Variants in SIPA1L2 observed in about 807,000 individuals in gnomAD.
SIPA1L2 encodes signal induced proliferation associated 1 like 2.
A neutral mutation model predicts 163.9 loss-of-function variants in SIPA1L2; 56 were observed. The ratio of observed to expected loss-of-function variants is 0.34; its 90% confidence interval spans 0.28 to 0.43. SIPA1L2 has a LOEUF of 0.43. Ranked by LOEUF, SIPA1L2 falls within the 20% of genes least tolerant of loss-of-function variation. The pLI, the probability that SIPA1L2 is intolerant of heterozygous loss-of-function variation, is 1.00. For synonymous variants in SIPA1L2, 877 were observed against 865.7 expected, an observed-to-expected ratio of 1.01 and a Z score of -0.23; for missense variants, 1,974 against 2,193.5, an observed-to-expected ratio of 0.90 and a Z score of 2.00.
chr1:232,542,388 G>T (rs973167312), intron 2 of SIPA1L2, among the ~76,000 whole-genome samples: 6 of 152,112 alleles, frequency 3.9e-5, no homozygotes, highest in African/African-American at 1.4e-4. Context: ...CAAATAAGAT[G>T]CATTTACTGT....
intron 5 of SIPA1L2, among the ~76,000 whole-genome samples, chr1:232,485,037 T>G (rs1362544887): frequency 6.6e-6 from 1 of 152,220 alleles, no homozygotes; most frequent in Non-Finnish European, 1.5e-5. Context: ...CAACATACTA[T>G]GCAAGAAAGG....
Position 232,438,013 on chromosome 1 carries a change from G to GC in SIPA1L2, c.4031+1094dup, listed in dbSNP as rs544848611. ...AGTGCTAGACTTGTTGTTTACATAAGCCCCAATATGACCCTGGTGGCATGA... is the reference window on the plus strand; with the variant it reads ...AGTGCTAGACTTGTTGTTTACATAAGCCCCCAATATGACCCTGGTGGCATGA... On this transcript the variant is annotated intron_variant, in intron 15 of 22. Transcript: ENST00000674635. 5.8e-3 allele frequency among the ~76,000 whole-genome samples: 888 copies of GC among 152,190 alleles called. 9 individuals carry two copies. Among genetic ancestry groups the GC allele is most frequent in the African/African-American group, 0.02 (840 of 41,508 alleles).
chr1:232,585,238 T>C (rs1223687201), intron 1 of SIPA1L2, among the ~76,000 whole-genome samples: 2 of 152,230 alleles, frequency 1.3e-5, no homozygotes, highest in Admixed American at 1.3e-4. Context: ...ATCAATTTTC[T>C]CAGCAGCAAT....
At chr1:232,455,755 G>T (rs1663874621) in intron 10 of SIPA1L2, among the ~76,000 whole-genome samples, 1 of 150,442 alleles carries the variant, frequency 6.6e-6, no homozygotes, top group Non-Finnish European at 1.5e-5. Context: ...ATACACCATG[G>T]AATACTATAC....
At chr1:232,463,717 C>T (rs1664360125) in intron 9 of SIPA1L2, among the ~76,000 whole-genome samples, 1 of 152,168 alleles carries the variant, frequency 6.6e-6, no homozygotes. Context: ...AAGCAGAATG[C>T]ATCCAGAGAC....
intron 1 of SIPA1L2, among the ~76,000 whole-genome samples, chr1:232,581,022 GT>G (rs1660342995): frequency 6.6e-6 from 1 of 152,112 alleles, no homozygotes; most frequent in African/African-American, 2.4e-5. Context: ...AGAAGATGGA[GT>G]CTGCATCCTT....
intron 10 of SIPA1L2, among the ~76,000 whole-genome samples, chr1:232,456,709 C>T (rs569694192): frequency 2.0e-5 from 3 of 152,296 alleles, no homozygotes; most frequent in African/African-American, 4.8e-5. Context: ...AGGGCCATAC[C>T]GGTGGCTGTA....
At position 232,549,645 on chromosome 1, in the gene SIPA1L2, C is replaced by A. The variant is rs75102633; in HGVS notation, c.-270+24529G>T. Among the ~76,000 whole-genome samples, 153 of 152,104 alleles carry A rather than the reference C, an allele frequency of 1.0e-3. 4 individuals carry two copies. The East Asian group carries it at 0.026, about 26-fold the overall frequency. ...ATTGTAAATAAGTGAGGCAGGGTACCACCATTCACCTAAAACTGGGGGAGG... is the reference window on the plus strand; with the variant it reads ...ATTGTAAATAAGTGAGGCAGGGTACAACCATTCACCTAAAACTGGGGGAGG... On this transcript the variant is annotated intron_variant, in intron 2 of 22. Coordinates refer to ENST00000674635, the MANE Select transcript of SIPA1L2 (RefSeq NM_020808.5).
intron 1 of SIPA1L2, among the ~76,000 whole-genome samples, chr1:232,595,544 G>A (rs1047570130): frequency 1.1e-4 from 16 of 152,020 alleles, no homozygotes; most frequent in Admixed American, 3.9e-4. Context: ...CCAGGGGTCC[G>A]GACGTTCCCC....
At chr1:232,425,429 C>T (rs1242272217) in intron 18 of SIPA1L2, among the ~76,000 whole-genome samples, 160 bp downstream of exon 18, 1 of 152,168 alleles carries the variant, frequency 6.6e-6, no homozygotes, top group Non-Finnish European at 1.5e-5. Context: ...CACTCTGGGG[C>T]TTCTATATTT....
intron 2 of SIPA1L2, among the ~76,000 whole-genome samples, chr1:232,543,903 T>C (rs569600340): frequency 6.6e-6 from 1 of 152,146 alleles, no homozygotes; most frequent in Non-Finnish European, 1.5e-5. Context: ...ATGTTAATTG[T>C]TTATATTATT....
intron 16 of SIPA1L2, 126 bp downstream of exon 16, chr1:232,432,121 T>A: frequency 2.6e-6 from 2 of 775,400 alleles, no homozygotes; most frequent in Non-Finnish European, 4.0e-6. Context: ...TTTAAAGAGT[T>A]TAAGAAAGAT....
At chr1:232,423,469 C>T (rs1661697911) in intron 18 of SIPA1L2, among the ~76,000 whole-genome samples, 1 of 152,192 alleles carries the variant, frequency 6.6e-6, no homozygotes, top group Non-Finnish European at 1.5e-5. Context: ...TACAAATTAC[C>T]TCCAGTTTTC....
chr1:232,570,817 T>C (rs556657856), intron 2 of SIPA1L2, among the ~76,000 whole-genome samples: 5 of 152,078 alleles, frequency 3.3e-5, no homozygotes, highest in African/African-American at 9.6e-5. Flanking sequence ...AATTTAGATC[T>C]GCAACTCATA....
At chr1:232,553,711 A>T (rs946903272) in intron 2 of SIPA1L2, among the ~76,000 whole-genome samples, 39 of 152,206 alleles carry the variant, frequency 2.6e-4, no homozygotes, top group African/African-American at 8.4e-4. Flanking sequence ...TCCTTATAAA[A>T]TACATGTCTA....
intron 2 of SIPA1L2, among the ~76,000 whole-genome samples, chr1:232,530,890 C>A (rs1332969137): frequency 1.3e-5 from 2 of 152,136 alleles, no homozygotes; most frequent in Non-Finnish European, 2.9e-5. Context: ...ATTTAAGCAG[C>A]TGAATGTAGT....
chr1:232,480,316 A>G (rs1665281767), intron 6 of SIPA1L2, among the ~76,000 whole-genome samples: 2 of 152,166 alleles, frequency 1.3e-5, no homozygotes, highest in African/African-American at 4.8e-5. Flanking sequence ...CTTTCCCTGA[A>G]TGTAATTAAT....
At chr1:232,590,309 G>A (rs980211724) in intron 1 of SIPA1L2, among the ~76,000 whole-genome samples, 1 of 152,176 alleles carries the variant, frequency 6.6e-6, no homozygotes, top group Non-Finnish European at 1.5e-5. Context: ...TTCTCTAAAA[G>A]GTGTGTGTCA....
At chr1:232,529,765 G>A (rs1667884367) in intron 2 of SIPA1L2, among the ~76,000 whole-genome samples, 1 of 152,222 alleles carries the variant, frequency 6.6e-6, no homozygotes, top group Non-Finnish European at 1.5e-5. Flanking sequence ...CCTCAGCTAG[G>A]AGTAAATAGT....
Sources: allele counts gnomAD v4.1 joint callset (sites outside exome capture counted in the v4.1 genomes callset), GRCh38; gene constraint gnomAD v4.1.1; transcripts MANE v1.5; gene names NCBI Gene and HGNC (gene_info 2026-07-23, HGNC 2026-07-21).